The following BAHD1 variants were observed in gnomAD, a reference collection of about 807,000 sequenced individuals.
BAHD1 encodes bromo adjacent homology domain containing 1.
Under a neutral mutation model 63.1 loss-of-function variants are expected in BAHD1, and 20 were observed. That is an observed-to-expected ratio of 0.32 (90% confidence interval 0.22 to 0.46). The LOEUF (loss-of-function observed/expected upper bound fraction) is 0.46, where lower values mean the gene tolerates loss of function less well. Ranked by LOEUF, BAHD1 falls within the 20% of genes least tolerant of loss-of-function variation. BAHD1 has a pLI of 1.00. For synonymous variants in BAHD1, 408 were observed against 426.8 expected (o/e 0.96, Z 0.54); for missense variants, 939 against 1,071.8 (o/e 0.88, Z 1.73).
chr15:40,461,555 G>T (rs949628799), intron 2 of BAHD1, among the ~76,000 whole-genome samples: 7 of 152,028 alleles, frequency 4.6e-5, no homozygotes, highest in Non-Finnish European at 8.8e-5. Flanking sequence ...CAGGAGAAAT[G>T]CTTGAACCCG....
chr15:40,458,829 T>G lies in BAHD1; in HGVS notation c.365T>G (p.Leu122Arg). ...CCCCGCAAGCGGCGCCTGGCCTCCC[T>G]CAATGCTGAAGCTCTCAATAACCTG... ...AQPRKRRLAS[L>R]NAEALNNLLL... The change falls in exon 2 of 7, where the codon CTC becomes CGC. Residue 122 changes from leucine to arginine, a missense_variant. This residue lies in a region of BAHD1 where 797 missense variants were observed against 813.3 expected (regional missense o/e 0.98). Transcript: ENST00000416165. This position sits in a 1 kb window ranked among gnomAD's most constrained non-coding sequence, Gnocchi z 4.7. 1 of 1,612,482 alleles carries G rather than the reference T, an allele frequency of 6.2e-7. No homozygotes were observed. Among genetic ancestry groups the G allele is most frequent in the Non-Finnish European group, 8.5e-7 (1 of 1,179,782 alleles).
chr15:40,459,287 T>C lies in BAHD1; in HGVS notation c.823T>C (p.Trp275Arg). Residue 275 changes from tryptophan to arginine, a missense_variant, in exon 2 of 7, where the codon TGG becomes CGG. Coordinates refer to ENST00000416165, the MANE Select transcript of BAHD1 (RefSeq NM_014952.5). ...SSGEAAGPPG[W>R]QGCPDEPWPS... ...TGGGGAGGCTGCAGGCCCACCTGGC[T>C]GGCAAGGCTGCCCTGATGAACCATG... 6.2e-7 allele frequency: 1 copy of C among 1,612,962 alleles called. No individual in the cohort carries two copies. The highest frequency in any genetic ancestry group is 8.5e-7 in the Non-Finnish European group (1 of 1,179,994).
At chr15:40,460,456 C>A (rs1429649374) in intron 2 of BAHD1, among the ~76,000 whole-genome samples, 6 of 152,286 alleles carry the variant, frequency 3.9e-5, no homozygotes, top group Non-Finnish European at 7.3e-5. Flanking sequence ...AGTGCCCAGA[C>A]TGAGCATCAC....
chr15:40,463,175 T>C (rs1329993162), intron 3 of BAHD1, among the ~76,000 whole-genome samples: 1 of 152,146 alleles, frequency 6.6e-6, no homozygotes. Flanking sequence ...CATGGTAGCA[T>C]GCATCTGTAG....
chr15:40,448,874 T>G (rs897915871), intron 1 of BAHD1, among the ~76,000 whole-genome samples: 4 of 151,442 alleles, frequency 2.6e-5, no homozygotes, highest in African/African-American at 9.7e-5. Context: ...TTCACTCTTG[T>G]TGCCCAGGCT....
intron 1 of BAHD1, among the ~76,000 whole-genome samples, chr15:40,445,638 C>CA (rs1457186825): frequency 6.6e-6 from 1 of 152,164 alleles, no homozygotes; most frequent in Non-Finnish European, 1.5e-5. Flanking sequence ...GCGAAGCTGC[C>CA]GAGTTTATGG....
At chr15:40,452,839 C>T (rs1331935411) in intron 1 of BAHD1, among the ~76,000 whole-genome samples, 1 of 152,210 alleles carries the variant, frequency 6.6e-6, no homozygotes, top group East Asian at 1.9e-4. Flanking sequence ...CTACACCCGG[C>T]CCTCTTGCTG....
Position 40,465,420 on chromosome 15 carries a change from T to C in BAHD1, c.2138T>C (p.Phe713Ser). ...CIEEKCYVLT[F>S]AEYCRFCAMA... ...GAGGAGAAGTGCTATGTGCTGACTT[T>C]TGCCGAGTACTGCAGGTAGGTGGTT... The change falls in exon 6 of 7, where the codon TTT becomes TCT. Residue 713 changes from phenylalanine to serine, a missense_variant. Transcript: ENST00000416165. The C allele has an allele frequency of 1.2e-6, 2 of 1,614,158 alleles. No homozygotes were observed. Among genetic ancestry groups the C allele is most frequent in the Non-Finnish European group, 1.7e-6 (2 of 1,179,998 alleles).
At position 40,467,644 on chromosome 15, in the gene BAHD1, G is replaced by GT. The variant is rs937840165; in HGVS notation, c.*1516dup. 4 of 152,734 alleles carry GT rather than the reference G, an allele frequency of 2.6e-5. No individual in the cohort carries two copies. The highest frequency in any genetic ancestry group is 9.6e-5 in the African/African-American group (4 of 41,458). The allele number at this position is 152,734 out of a possible 1,614,324, so 9.5% of individuals were successfully genotyped here. A position where few individuals can be genotyped will look rare whatever the true frequency, so the allele number is the denominator to read the frequency against. ...CCATGCCCTGTCCCTTAGTAGATGA[G>GT]TTGCTCCTGATTGGTCATTGGGTTT... On this transcript the variant is annotated 3_prime_UTR_variant, in exon 7 of 7. Coordinates refer to ENST00000416165, the MANE Select transcript of BAHD1 (RefSeq NM_014952.5).
At position 40,464,469 on chromosome 15, in the gene BAHD1, A is replaced by T; in HGVS notation, c.1976-2A>T. ...GCCATAACCACTGTGTTGTCCTTCCAGGAGAGCTGATGATGAGCCTCCTGT... is the reference window on the plus strand; with the variant it reads ...GCCATAACCACTGTGTTGTCCTTCCTGGAGAGCTGATGATGAGCCTCCTGT... On this transcript the variant is annotated splice_acceptor_variant, in intron 4 of 6. Transcript: ENST00000416165. LOFTEE classifies it high-confidence loss of function. 1 of 1,612,236 alleles carries T rather than the reference A, an allele frequency of 6.2e-7. No homozygotes were observed. Among genetic ancestry groups the T allele is most frequent in the Non-Finnish European group, 8.5e-7 (1 of 1,179,222 alleles).
intron 1 of BAHD1, chr15:40,454,694 G>A (rs2141505260): frequency 6.6e-6 from 1 of 152,336 alleles, no homozygotes; most frequent in South Asian, 2.1e-4. Flanking sequence ...AAGAGGGCAT[G>A]GACCACCCGT....
In BAHD1 at chr15:40,459,534, T is replaced by C. The variant is rs557265103; in HGVS notation, c.1070T>C (p.Met357Thr). 5.2e-5 allele frequency: 84 copies of C among 1,614,130 alleles called. No individual in the cohort carries two copies. The Admixed American group carries it at 1.4e-3, about 26-fold the overall frequency. ...ACACCTCAGCTGTCGCCGCTGCCGA[T>C]GCCTGGCAACCCCGCCGACTACAAT... is the stretch of plus-strand genomic sequence containing the variant. ...FPTPQLSPLP[M>T]PGNPADYNGL... The change falls in exon 2 of 7, where the codon ATG (methionine) becomes ACG (threonine). Residue 357 changes from methionine to threonine, a missense_variant. Met to Thr is a moderately conservative substitution (Grantham distance 81). Coordinates refer to ENST00000416165, the MANE Select transcript of BAHD1 (RefSeq NM_014952.5).
At chr15:40,460,597 C>T (rs1894010619) in intron 2 of BAHD1, among the ~76,000 whole-genome samples, 1 of 152,148 alleles carries the variant, frequency 6.6e-6, no homozygotes, top group Admixed American at 6.5e-5. Context: ...ACCTGAGAGG[C>T]CCATGCTCCG....
chr15:40,460,164 G>T (rs968023297), intron 2 of BAHD1, among the ~76,000 whole-genome samples: 1 of 152,200 alleles, frequency 6.6e-6, no homozygotes, highest in Non-Finnish European at 1.5e-5. Flanking sequence ...CATTGCAGTG[G>T]TACAGGCCAC....
rs754934115 is a variant in BAHD1 at position 40,465,415 on chromosome 15, G to C, written c.2133G>C (p.Leu711=). The change falls in exon 6 of 7, where the codon CTG becomes CTC. Residue 711 remains leucine (L), a synonymous_variant. Transcript: ENST00000416165. The part of the protein sequence containing the change: ...VACIEEKCYV[L]TFAEYCRFCA... ...GCATTGAGGAGAAGTGCTATGTGCT[G>C]ACTTTTGCCGAGTACTGCAGGTAGG... The C allele has an allele frequency of 1.9e-6, 3 of 1,614,154 alleles. No individual in the cohort carries two copies. Among genetic ancestry groups the C allele is most frequent in the Non-Finnish European group, 2.5e-6 (3 of 1,180,014 alleles).
At chr15:40,454,892 C>A (rs538473511) in intron 1 of BAHD1, among the ~76,000 whole-genome samples, 1 of 152,280 alleles carries the variant, frequency 6.6e-6, no homozygotes, top group East Asian at 1.9e-4. Flanking sequence ...CTCTCCCCAA[C>A]CAGCCCTGTA....
At chr15:40,452,276 GCT>G (rs35416242) in intron 1 of BAHD1, among the ~76,000 whole-genome samples, 94,473 of 151,826 alleles carry the variant, frequency 0.62, 30,323 homozygotes, top group East Asian at 0.81. Flanking sequence ...TGAGGCCCCT[GCT>G]CTCTCTCTCT....
At chr15:40,455,566 G>A (rs1893824376) in intron 1 of BAHD1, among the ~76,000 whole-genome samples, 1 of 152,184 alleles carries the variant, frequency 6.6e-6, no homozygotes, top group Non-Finnish European at 1.5e-5. Flanking sequence ...TGGAGGTCAG[G>A]GGTGGCCAAT....
rs1436480646 is a variant in BAHD1 at position 40,441,122 on chromosome 15, G to GCCCGGC, written c.-151_-146dup. On this transcript the variant is annotated 5_prime_UTR_variant, in exon 1 of 7. Coordinates refer to ENST00000416165, the MANE Select transcript of BAHD1 (RefSeq NM_014952.5). The stretch of plus-strand genomic sequence containing the variant: ...CCCGGCCGCGGTCCCCGCTCCGCCC[G>GCCCGGC]CCCGGCCCCGGCCCCCAGGAGGAGG... 1.4e-5 allele frequency: 2 copies of GCCCGGC among 147,808 alleles called. No individual in the cohort carries two copies. Among genetic ancestry groups the GCCCGGC allele is most frequent in the South Asian group, 2.1e-4 (1 of 4,796 alleles). 9.2% of individuals were successfully genotyped at this position (147,808 alleles called of 1,614,324 possible).
Sources: allele counts gnomAD v4.1 joint callset (sites outside exome capture counted in the v4.1 genomes callset), GRCh38; gene constraint gnomAD v4.1.1; regional missense constraint gnomAD v4.1.1; non-coding constraint Gnocchi (gnomAD v3.1); transcripts MANE v1.5; gene names NCBI Gene and HGNC (gene_info 2026-07-23, HGNC 2026-07-21).